The following WDR19 variants were observed in gnomAD, a reference collection of about 807,000 sequenced individuals.
WDR19 encodes WD repeat domain 19.
Under a neutral mutation model 180.0 loss-of-function variants are expected in WDR19, and 121 were observed. The ratio of observed to expected loss-of-function variants is 0.67; its 90% CI spans 0.58 to 0.78. The LOEUF is 0.78. Ranked by LOEUF, WDR19 falls within the 30% of genes least tolerant of loss-of-function variation. The pLI, the probability that WDR19 is intolerant of heterozygous loss-of-function variation, is 0.00. For missense variants in WDR19, 1,450 were observed against 1,640.7 expected, an observed-to-expected ratio of 0.88 and a Z score of 2.01; for synonymous variants, 497 against 540.7, an observed-to-expected ratio of 0.92 and a Z score of 1.12.
intron 9 of WDR19, among the ~76,000 whole-genome samples, chr4:39,213,475 A>G (rs1728744331): frequency 6.6e-6 from 1 of 152,238 alleles, no homozygotes; most frequent in Non-Finnish European, 1.5e-5. Context: ...CAGTCTCAAC[A>G]GGTTGCATAT....
At chr4:39,203,508 T>C (rs1269051657) in intron 6 of WDR19, 134 bp from the exon 7 acceptor site, 8 of 672,902 alleles carry the variant, frequency 1.2e-5, no homozygotes, top group Non-Finnish European at 2.0e-5. Flanking sequence ...TTTCTAGATA[T>C]TTGTGACAGT....
At chr4:39,228,802 G>A in intron 17 of WDR19, 112 bp downstream of exon 17, 6 of 1,210,124 alleles carry the variant, frequency 5.0e-6, no homozygotes, top group South Asian at 4.3e-5. Flanking sequence ...ATCCTTGCAA[G>A]AATTTTTTTT....
Position 39,277,159 on chromosome 4 carries a change from G to A in WDR19, c.3840+16G>A. 6.3e-7 allele frequency: 1 copy of A among 1,581,540 alleles called. No homozygotes were observed. The highest frequency in any genetic ancestry group is 8.6e-7 in the Non-Finnish European group (1 of 1,165,018). ...CATTGCAACAGTGAGTTCCTTTATA[G>A]TAATTTCCCTTTCTTTGCATATATA... On this transcript the variant is annotated intron_variant, in intron 34 of 36. Coordinates refer to ENST00000399820, the MANE Select transcript of WDR19 (RefSeq NM_025132.4).
rs1736115595 is a variant in WDR19, at chr4:39,278,345, C to T, written c.3917+138C>T. 4 of 893,086 alleles carry T rather than the reference C, an allele frequency of 4.5e-6. No individual in the cohort carries two copies. The South Asian group carries it at 5.2e-5, about 12-fold the overall frequency. 55.3% of individuals were successfully genotyped at this position (893,086 alleles called of 1,614,324 possible). ...GACTCAAATTGTCTTCTGGGAAGAA[C>T]CTCCTGTGACCTTTGAGAATATTAT... On this transcript the variant is annotated intron_variant, in intron 35 of 36. Coordinates refer to ENST00000399820, the MANE Select transcript of WDR19 (RefSeq NM_025132.4).
At chr4:39,223,391 C>T (rs370504608) in intron 14 of WDR19, among the ~76,000 whole-genome samples, 1 of 152,244 alleles carries the variant, frequency 6.6e-6, no homozygotes, top group African/African-American at 2.4e-5. Flanking sequence ...AGTGCAGTGG[C>T]GCGATCTCAG....
chr4:39,210,657 G>C (rs1028365587), intron 9 of WDR19, among the ~76,000 whole-genome samples: 3 of 152,120 alleles, frequency 2.0e-5, no homozygotes, highest in Admixed American at 2.0e-4. Flanking sequence ...CTGAGCAACA[G>C]AGCAAGACCC....
At chr4:39,194,736 C>G (rs1403986820) in intron 5 of WDR19, 77 bp downstream of exon 5, 2 of 1,154,778 alleles carry the variant, frequency 1.7e-6, no homozygotes, top group Non-Finnish European at 2.5e-6. Context: ...TCAGGTTTCC[C>G]TGATCTTGCA....
At chr4:39,249,765 GACACAT>G (rs1440313804) in intron 24 of WDR19, among the ~76,000 whole-genome samples, 4 of 151,998 alleles carry the variant, frequency 2.6e-5, no homozygotes, top group Non-Finnish European at 5.9e-5. Context: ...TAAATTCCTC[GACACAT>G]ACACTCCCCC....
In WDR19 at chr4:39,231,842, T is replaced by C; in HGVS notation, c.2028T>C (p.Ala676=). The C allele has an allele frequency of 6.2e-7, 1 of 1,604,728 alleles. No homozygotes were observed. The highest frequency in any genetic ancestry group is 8.5e-7 in the Non-Finnish European group (1 of 1,172,322). The part of the protein sequence containing the change: ...WEMCRILNDE[A]AWNELARACL... ...TGTGCAGGATTCTGAATGATGAGGC[T>C]GCCTGGAATGAGTTGGCCAGAGCTT... Residue 676 remains alanine, a synonymous_variant, in exon 18 of 37, where the codon GCT becomes GCC. Transcript: ENST00000399820.
At chr4:39,285,193 A>AAAT (rs1374715172) in intron 36 of WDR19, among the ~76,000 whole-genome samples, 8 of 151,956 alleles carry the variant, frequency 5.3e-5, no homozygotes, top group African/African-American at 1.9e-4. Flanking sequence ...TTTTCTCTAC[A>AAAT]AATTGCTGAG....
At chr4:39,190,603 G>C (rs1412945683) in intron 4 of WDR19, among the ~76,000 whole-genome samples, 1 of 152,168 alleles carries the variant, frequency 6.6e-6, no homozygotes, top group Admixed American at 6.5e-5. Flanking sequence ...TATGAGACCA[G>C]ACTATAAGTT....
chr4:39,230,467 T>A (rs1309490820), intron 17 of WDR19, among the ~76,000 whole-genome samples: 1 of 152,132 alleles, frequency 6.6e-6, no homozygotes, highest in Non-Finnish European at 1.5e-5. Context: ...CTTACCTCTG[T>A]GTGCCTTGGG....
Position 39,246,807 on chromosome 4 carries a change from C to T in WDR19, c.2729+1355C>T, listed in dbSNP as rs183510396. Among the ~76,000 whole-genome samples, 29 of 152,250 alleles carry T rather than the reference C, an allele frequency of 1.9e-4. 1 individual carries two copies. The highest frequency in any genetic ancestry group is 2.9e-4 in the African/African-American group (12 of 41,560). On this transcript the variant is annotated intron_variant, in intron 24 of 36. Coordinates refer to ENST00000399820, the MANE Select transcript of WDR19 (RefSeq NM_025132.4). ...GCAAGGCAGCAGAAAGGCTGGTGGA[C>T]GGGCGCCCGCCATTGCTGAGGCTTG...
intron 9 of WDR19, among the ~76,000 whole-genome samples, chr4:39,212,749 A>G (rs981836308): frequency 1.1e-4 from 16 of 152,370 alleles, no homozygotes; most frequent in Middle Eastern, 3.4e-3. Context: ...AAGACCCAAC[A>G]GTATGTCATA....
rs1180525933 is a variant in WDR19, at chr4:39,218,227, T to C, written c.1479+122T>C. ...TTGAATCCAATACAATTAATGAAGTTATCTGTGATTAATTATATACATTCA... is the reference window on the plus strand; with the variant it reads ...TTGAATCCAATACAATTAATGAAGTCATCTGTGATTAATTATATACATTCA... On this transcript the variant is annotated intron_variant, in intron 14 of 36. Coordinates refer to ENST00000399820, the MANE Select transcript of WDR19 (RefSeq NM_025132.4). The C allele has an allele frequency of 9.1e-6, 11 of 1,206,338 alleles. No individual in the cohort carries two copies. In the African/African-American group the frequency reaches 1.5e-4, roughly 17 times the overall value. 74.7% of individuals were successfully genotyped at this position (1,206,338 alleles called of 1,614,324 possible). A position where few individuals can be genotyped will look rare whatever the true frequency, so the allele number is the denominator to read the frequency against.
chr4:39,263,004 C>A (rs927829393), intron 28 of WDR19, among the ~76,000 whole-genome samples: 2 of 152,124 alleles, frequency 1.3e-5, no homozygotes, highest in African/African-American at 2.4e-5. Context: ...CCTGGTGATT[C>A]GCAGCCAGAA....
chr4:39,268,149 C>T, intron 30 of WDR19, 58 bp downstream of exon 30: 1 of 1,450,366 alleles, frequency 6.9e-7, no homozygotes, highest in Non-Finnish European at 9.4e-7. Flanking sequence ...CAAGCCCCAG[C>T]CCCTTTTCTG....
Position 39,232,329 on chromosome 4 carries a change from G to T in WDR19, c.2253+57G>T, listed in dbSNP as rs1730962512. On this transcript the variant is annotated intron_variant, in intron 19 of 36. Coordinates refer to ENST00000399820, the MANE Select transcript of WDR19 (RefSeq NM_025132.4). ...AAGAGGTATCCAGTGGGGAAATGGG[G>T]GAAAAAAAAATGGGGCCGGGTGCAG... 8.3e-6 allele frequency: 12 copies of T among 1,439,544 alleles called. No homozygotes were observed. The South Asian group carries it at 1.4e-4, about 17-fold the overall frequency. The allele number at this position is 1,439,544 out of a possible 1,614,324, so 89.2% of individuals were successfully genotyped here.
chr4:39,284,119 T>C (rs1736880280), intron 36 of WDR19, among the ~76,000 whole-genome samples: 1 of 151,628 alleles, frequency 6.6e-6, no homozygotes, highest in Non-Finnish European at 1.5e-5. Context: ...TTTCCCTCAA[T>C]TGGGACATTT....
Sources: gnomAD v4.1 joint callset for allele counts (sites outside exome capture counted in the v4.1 genomes callset) on GRCh38, gnomAD v4.1.1 for gene constraint, MANE v1.5 for transcripts, NCBI Gene and HGNC (gene_info 2026-07-23, HGNC 2026-07-21) for gene names.